Variants in FYB1 observed in about 807,000 individuals in gnomAD.
The protein encoded by FYB1 is FYN-binding protein 1.
A neutral mutation model predicts 94.1 loss-of-function variants in FYB1; 41 were observed. That is an observed-to-expected ratio of 0.44 (90% confidence interval 0.34 to 0.57). The LOEUF (loss-of-function observed/expected upper bound fraction) is 0.57. Among genes scored for constraint, FYB1 ranks in the 20% least tolerant of loss-of-function variants. The pLI, the probability that FYB1 is intolerant of heterozygous loss-of-function variation, is 0.02. For synonymous variants in FYB1, 367 were observed against 353.2 expected (o/e 1.04, Z -0.44); for missense variants, 1,050 against 976.8 (o/e 1.07, Z -1.00).
intron 2 of FYB1, among the ~76,000 whole-genome samples, chr5:39,161,221 A>G (rs1055406191): frequency 2.0e-5 from 3 of 152,208 alleles, no homozygotes; most frequent in African/African-American, 4.8e-5. Context: ...CGTATGCCCT[A>G]TGACACTGCA....
chr5:39,259,645 A>C (rs1162402537), intron 1 of FYB1, among the ~76,000 whole-genome samples: 2 of 152,246 alleles, frequency 1.3e-5, no homozygotes, highest in Non-Finnish European at 2.9e-5. Context: ...ATATCAATTA[A>C]ATTAAAACAA....
chr5:39,155,682 G>T (rs72734749), intron 2 of FYB1, among the ~76,000 whole-genome samples: 27,780 of 151,766 alleles, frequency 0.18, 2,714 homozygotes, highest in Middle Eastern at 0.22. Context: ...TAGTTTTTTT[G>T]TTGTTGTTGT....
At chr5:39,141,980 A>C (rs926974154) in intron 3 of FYB1, among the ~76,000 whole-genome samples, 1 of 152,028 alleles carries the variant, frequency 6.6e-6, no homozygotes, top group Non-Finnish European at 1.5e-5. Context: ...AAGGTGCTTC[A>C]TTCCAATGGC....
At position 39,239,610 on chromosome 5, in the gene FYB1, G is replaced by C. The variant is rs1398195030; in HGVS notation, c.-28+34793C>G. Among the ~76,000 whole-genome samples the C allele has an allele frequency of 7.2e-5, 11 of 152,182 alleles. No individual in the cohort carries two copies. In the East Asian group the frequency reaches 2.1e-3, roughly 29 times the overall value. On this transcript the variant is annotated intron_variant, in intron 1 of 1. Coordinates refer to the FYB1 transcript ENST00000510188. ...TAGGAATACAGCTAACCATAGAGGG[G>C]AAAGATCTCTACAGTGAGACTTACA...
At chr5:39,127,715 A>G (rs1368401257) in intron 11 of FYB1, 26 bp downstream of exon 11, 2 of 1,573,014 alleles carry the variant, frequency 1.3e-6, no homozygotes, top group African/African-American at 1.4e-5. Flanking sequence ...ATAATTTGCA[A>G]AAAGCAGTTC....
intron 2 of FYB1, among the ~76,000 whole-genome samples, chr5:39,172,134 G>T (rs1258387941): frequency 6.6e-6 from 1 of 152,114 alleles, no homozygotes; most frequent in Non-Finnish European, 1.5e-5. Flanking sequence ...CCACTGAAAG[G>T]ATAGAATCCC....
chr5:39,136,233 C>T (rs1267813111), intron 7 of FYB1, among the ~76,000 whole-genome samples: 1 of 151,898 alleles, frequency 6.6e-6, no homozygotes, highest in South Asian at 2.1e-4. Context: ...CCACGCCTGG[C>T]CAGTTTTTTG....
intron 1 of FYB1, among the ~76,000 whole-genome samples, chr5:39,216,575 C>T (rs1439634560): frequency 3.3e-5 from 5 of 152,170 alleles, no homozygotes; most frequent in Non-Finnish European, 7.3e-5. Context: ...TGCCCTGCAA[C>T]AGGCCCCAGT....
At chr5:39,173,591 C>A (rs1745448579) in intron 2 of FYB1, among the ~76,000 whole-genome samples, 2 of 152,178 alleles carry the variant, frequency 1.3e-5, no homozygotes, top group Non-Finnish European at 2.9e-5. Context: ...ATATTTAAAT[C>A]TTTAACCCAC....
At chr5:39,244,013 G>C (rs1280357625) in intron 1 of FYB1, among the ~76,000 whole-genome samples, 1 of 152,164 alleles carries the variant, frequency 6.6e-6, no homozygotes, top group African/African-American at 2.4e-5. Flanking sequence ...CTTTGCTGAA[G>C]TTGCTTATCA....
chr5:39,238,773 A>G (rs1751079461), intron 1 of FYB1, among the ~76,000 whole-genome samples: 1 of 152,144 alleles, frequency 6.6e-6, no homozygotes, highest in African/African-American at 2.4e-5. Context: ...GCCTAAAGGA[A>G]AGCCGAGAGG....
intron 3 of FYB1, among the ~76,000 whole-genome samples, chr5:39,143,299 T>A (rs1742345298): frequency 6.6e-6 from 1 of 152,184 alleles, no homozygotes; most frequent in Admixed American, 6.5e-5. Flanking sequence ...ACAATTCACA[T>A]ATCTATCAAG....
chr5:39,245,179 T>C (rs1751414670), intron 1 of FYB1, among the ~76,000 whole-genome samples: 1 of 152,152 alleles, frequency 6.6e-6, no homozygotes, highest in African/African-American at 2.4e-5. Context: ...GGGAGTGGTA[T>C]AAGAGAAAAA....
chr5:39,219,681 G>A (rs771788972), upstream of FYB1: 3 of 763,282 alleles, frequency 3.9e-6, no homozygotes, highest in Non-Finnish European at 4.8e-6. Context: ...TCAGGATATT[G>A]AGTAATAAGG....
chr5:39,184,527 T>C (rs1185869678), intron 2 of FYB1, among the ~76,000 whole-genome samples: 3 of 152,218 alleles, frequency 2.0e-5, no homozygotes, highest in Non-Finnish European at 4.4e-5. Flanking sequence ...GTTAACTTTC[T>C]TGCCTTTTCA....
intron 1 of FYB1, among the ~76,000 whole-genome samples, chr5:39,214,873 G>A (rs1451604727): frequency 6.6e-6 from 1 of 152,170 alleles, no homozygotes; most frequent in African/African-American, 2.4e-5. Flanking sequence ...AGGTTGCAGT[G>A]AGCCAAGATC....
At chr5:39,133,611 G>A (rs1044834393) in intron 9 of FYB1, among the ~76,000 whole-genome samples, 2 of 152,020 alleles carry the variant, frequency 1.3e-5, no homozygotes, top group African/African-American at 4.8e-5. Context: ...CCTCCAGAAA[G>A]GATGTTCTAT....
intron 2 of FYB1, among the ~76,000 whole-genome samples, chr5:39,172,590 C>A (rs929441822): frequency 1.8e-4 from 28 of 152,286 alleles, no homozygotes; most frequent in Admixed American, 1.1e-3. Context: ...TGAGCCCACA[C>A]CTTCCTCCCT....
chr5:39,159,218 T>C (rs1348873921), intron 2 of FYB1, among the ~76,000 whole-genome samples: 1 of 152,228 alleles, frequency 6.6e-6, no homozygotes, highest in Non-Finnish European at 1.5e-5. Context: ...TGAGAATTAT[T>C]AAGCATTTGT....
Sources: allele counts gnomAD v4.1 joint callset (sites outside exome capture counted in the v4.1 genomes callset), GRCh38; gene constraint gnomAD v4.1.1; transcripts MANE v1.5; gene names NCBI Gene and HGNC (gene_info 2026-07-23, HGNC 2026-07-21).